Variants in DUSP13B observed in about 807,000 individuals in gnomAD.
DUSP13B encodes dual specificity phosphatase 13B, also known as dual specificity protein phosphatase 13B.
the DUSP13B span, among the ~76,000 whole-genome samples, chr10:75,107,446 G>T: frequency 2.2e-4 from 33 of 152,302 alleles, no homozygotes; most frequent in Non-Finnish European, 4.6e-4. Flanking sequence ...GAGCTGTTCT[G>T]CTGTTTGGGA....
chr10:75,103,850 C>T, the DUSP13B span: 3 of 1,262,200 alleles, frequency 2.4e-6, no homozygotes, highest in Non-Finnish European at 3.1e-6. Flanking sequence ...GGGTCCCTGG[C>T]CAAGAAGCCT....
At chr10:75,099,529 C>A in the DUSP13B span, 2 of 1,231,764 alleles carry the variant, frequency 1.6e-6, no homozygotes, top group Non-Finnish European at 2.0e-6. Context: ...AACACAAACA[C>A]TGTGAAGCGG....
chr10:75,107,346 G>GAAA, the DUSP13B span, among the ~76,000 whole-genome samples: 1 of 116,250 alleles, frequency 8.6e-6, no homozygotes, highest in East Asian at 2.4e-4. Flanking sequence ...CTCTGTCTCA[G>GAAA]AAAAAAAAAA....
chr10:75,103,498 G>A, the DUSP13B span, among the ~76,000 whole-genome samples: 2 of 152,284 alleles, frequency 1.3e-5, no homozygotes, highest in Non-Finnish European at 1.5e-5. Context: ...CCAGAGAGAT[G>A]GTCTTTAAGG....
chr10:75,109,125 T>C, the DUSP13B span: 3 of 1,605,272 alleles, frequency 1.9e-6, no homozygotes, highest in East Asian at 4.5e-5. Flanking sequence ...CTTTGTCCTC[T>C]CCCCCCAGCT....
chr10:75,096,412 A>G, the DUSP13B span, among the ~76,000 whole-genome samples: 1 of 152,006 alleles, frequency 6.6e-6, no homozygotes, highest in Admixed American at 6.5e-5. Context: ...CCTTATCTCT[A>G]CAAACAATGC....
the DUSP13B span, among the ~76,000 whole-genome samples, chr10:75,102,304 G>A: frequency 5.3e-4 from 81 of 152,196 alleles, no homozygotes; most frequent in African/African-American, 1.7e-3. Context: ...CTAGCCGGGC[G>A]TGGTGGTGGA....
chr10:75,108,572 T>C, the DUSP13B span, among the ~76,000 whole-genome samples: 1 of 152,130 alleles, frequency 6.6e-6, no homozygotes, highest in African/African-American at 2.4e-5. Context: ...TACCACCTCA[T>C]ACCTGCTTCT....
At chr10:75,099,673 G>C in the DUSP13B span, 1 of 621,358 alleles carries the variant, frequency 1.6e-6, no homozygotes, top group Non-Finnish European at 2.3e-6. Flanking sequence ...ATCTGTTTGG[G>C]ATTGAAGACC....
At chr10:75,102,906 C>T in the DUSP13B span, among the ~76,000 whole-genome samples, 1 of 152,134 alleles carries the variant, frequency 6.6e-6, no homozygotes, top group Non-Finnish European at 1.5e-5. Context: ...GAGCTGAGAT[C>T]ACGCCATTGC....
At chr10:75,094,757 G>C in the DUSP13B span, 1 of 1,614,198 alleles carries the variant, frequency 6.2e-7, no homozygotes, top group African/African-American at 1.3e-5. Flanking sequence ...GGCAGATATT[G>C]CGGTGGGCCT....
chr10:75,098,815 C>T, the DUSP13B span, among the ~76,000 whole-genome samples: 1 of 152,194 alleles, frequency 6.6e-6, no homozygotes, highest in South Asian at 2.1e-4. Flanking sequence ...TCCTATTTTA[C>T]CCAGGAGGAA....
the DUSP13B span, chr10:75,104,047 T>C: frequency 7.3e-7 from 1 of 1,363,034 alleles, no homozygotes; most frequent in Non-Finnish European, 9.8e-7. Flanking sequence ...GCAGGATCAG[T>C]GCCAGGGTGG....
At chr10:75,099,571 TG>T in the DUSP13B span, 1 of 1,229,782 alleles carries the variant, frequency 8.1e-7, no homozygotes, top group Admixed American at 4.2e-5. Flanking sequence ...GGGGCGCCCA[TG>T]GGGGGTGGGG....
At chr10:75,104,973 C>G in the DUSP13B span, among the ~76,000 whole-genome samples, 1 of 152,092 alleles carries the variant, frequency 6.6e-6, no homozygotes, top group South Asian at 2.1e-4. Context: ...CCCAAGCATG[C>G]CCAGGCCAGT....
the DUSP13B span, chr10:75,107,907 G>C: frequency 7.0e-7 from 1 of 1,424,782 alleles, no homozygotes; most frequent in Non-Finnish European, 9.5e-7. Flanking sequence ...AGCAGGGATG[G>C]GAGGGCACTG....
chr10:75,107,863 C>T, the DUSP13B span: 1 of 1,151,722 alleles, frequency 8.7e-7, no homozygotes, highest in Middle Eastern at 2.9e-4. Flanking sequence ...AAGCATGAGC[C>T]ACCACACACG....
the DUSP13B span, among the ~76,000 whole-genome samples, chr10:75,106,232 G>A: frequency 1.3e-5 from 2 of 150,712 alleles, no homozygotes; most frequent in African/African-American, 4.9e-5. Flanking sequence ...GTGAGACACC[G>A]CTCCTGGCCT....
the DUSP13B span, among the ~76,000 whole-genome samples, chr10:75,103,006 G>A: frequency 6.6e-6 from 1 of 152,112 alleles, no homozygotes; most frequent in Non-Finnish European, 1.5e-5. Context: ...CCTCCTACTC[G>A]GGAAGCTGAG....
Sources: gnomAD v4.1 joint callset for allele counts (sites outside exome capture counted in the v4.1 genomes callset) on GRCh38, gnomAD v4.1.1 for gene constraint, MANE v1.5 for transcripts, NCBI Gene and HGNC (gene_info 2026-07-23, HGNC 2026-07-21) for gene names.